Variants in CFAP20DC observed in about 807,000 individuals in gnomAD.
CFAP20DC encodes the protein protein CFAP20DC.
A neutral mutation model predicts 101.7 loss-of-function variants in CFAP20DC; 84 were observed. That is an observed-to-expected ratio of 0.83 (90% CI 0.69 to 0.99). The LOEUF (loss-of-function observed/expected upper bound fraction) is 0.99. Ranked by LOEUF, CFAP20DC falls within the 50% of genes least tolerant of loss-of-function variation. CFAP20DC has a pLI of 0.00. For missense variants in CFAP20DC, 1,007 were observed against 970.3 expected, an observed-to-expected ratio of 1.04 and a Z score of -0.50; for synonymous variants, 359 against 351.2, an observed-to-expected ratio of 1.02 and a Z score of -0.25.
At chr3:58,992,280 CA>C (rs2092965211) in intron 4 of CFAP20DC, among the ~76,000 whole-genome samples, 1 of 152,136 alleles carries the variant, frequency 6.6e-6, no homozygotes, top group Admixed American at 6.5e-5. Flanking sequence ...CCAGGTTAAG[CA>C]CAAAAATTTA....
At chr3:58,931,592 C>G (rs1023434024) in intron 5 of CFAP20DC, among the ~76,000 whole-genome samples, 4 of 152,216 alleles carry the variant, frequency 2.6e-5, no homozygotes, top group Non-Finnish European at 4.4e-5. Context: ...GAGGAACGAT[C>G]AGACAGCAGC....
At chr3:58,883,134 C>T (rs1490088585) in intron 7 of CFAP20DC, among the ~76,000 whole-genome samples, 4 of 152,170 alleles carry the variant, frequency 2.6e-5, no homozygotes, top group Non-Finnish European at 5.9e-5. Flanking sequence ...TCCTTGACCT[C>T]CTTCAAACTT....
chr3:58,958,611 C>T (rs953456088), intron 4 of CFAP20DC, among the ~76,000 whole-genome samples: 1 of 152,210 alleles, frequency 6.6e-6, no homozygotes, highest in African/African-American at 2.4e-5. Flanking sequence ...TTCACATCCT[C>T]ACCAACACCT....
intron 12 of CFAP20DC, among the ~76,000 whole-genome samples, chr3:58,852,561 C>T (rs1393089747): frequency 6.6e-6 from 1 of 151,598 alleles, no homozygotes; most frequent in Non-Finnish European, 1.5e-5. Context: ...ACACCTATTC[C>T]AAAATTGACC....
intron 14 of CFAP20DC, among the ~76,000 whole-genome samples, chr3:58,820,310 A>G (rs1463429282): frequency 1.3e-5 from 2 of 150,082 alleles, no homozygotes; most frequent in Non-Finnish European, 3.0e-5. Flanking sequence ...AGGCAGGAGA[A>G]GGAAATAAAG....
chr3:58,862,806 A>C, intron 12 of CFAP20DC: 2 of 984,856 alleles, frequency 2.0e-6, no homozygotes, highest in Non-Finnish European at 2.4e-6. Context: ...AAATTTTTCC[A>C]GAAAGTATGA....
At chr3:58,866,248 A>C (rs766629874) in intron 11 of CFAP20DC, among the ~76,000 whole-genome samples, 4 of 152,202 alleles carry the variant, frequency 2.6e-5, no homozygotes, top group Non-Finnish European at 4.4e-5. Flanking sequence ...AGCTCCAACC[A>C]TCTCCATTAT....
intron 5 of CFAP20DC, among the ~76,000 whole-genome samples, chr3:58,930,790 C>T (rs2086536254): frequency 6.6e-6 from 1 of 151,950 alleles, no homozygotes; most frequent in South Asian, 2.1e-4. Flanking sequence ...GGACTGGCAG[C>T]CAAGATGGCC....
chr3:58,941,967 GTTCA>G (rs1414587220), intron 4 of CFAP20DC, among the ~76,000 whole-genome samples: 2 of 152,164 alleles, frequency 1.3e-5, no homozygotes, highest in Non-Finnish European at 2.9e-5. Flanking sequence ...GGGAGAAAGT[GTTCA>G]TTATGACCTT....
chr3:58,785,646 A>T (rs1352223362), intron 15 of CFAP20DC, among the ~76,000 whole-genome samples: 1 of 152,152 alleles, frequency 6.6e-6, no homozygotes, highest in Non-Finnish European at 1.5e-5. Context: ...TGATAAACAC[A>T]GCATCATTGA....
intron 3 of CFAP20DC, chr3:58,726,847 C>A (rs987057393): frequency 1.2e-5 from 3 of 260,136 alleles, no homozygotes; most frequent in Non-Finnish European, 2.3e-5. Flanking sequence ...AAGGACCCAT[C>A]ACTTCCACTC....
intron 4 of CFAP20DC, among the ~76,000 whole-genome samples, chr3:59,022,708 T>C (rs1304463343): frequency 1.3e-5 from 2 of 152,072 alleles, no homozygotes; most frequent in East Asian, 3.9e-4. Flanking sequence ...TAGTTTATTA[T>C]AATATATTTT....
At chr3:58,998,505 G>A (rs1256265530) in intron 4 of CFAP20DC, among the ~76,000 whole-genome samples, 1 of 152,134 alleles carries the variant, frequency 6.6e-6, no homozygotes, top group Non-Finnish European at 1.5e-5. Context: ...CATGTGCCAG[G>A]AACCCTTTTA....
At position 58,842,659 on chromosome 3, in the gene CFAP20DC, G is replaced by A. The variant is rs551850136; in HGVS notation, c.1971+6373C>T. Among the ~76,000 whole-genome samples the A allele has an allele frequency of 2.2e-3, 331 of 152,356 alleles. 3 individuals carry two copies. The highest frequency in any genetic ancestry group is 7.6e-3 in the African/African-American group (317 of 41,584). ...AGGAAGCTCTAACTGGGTGGAGCCC[G>A]CCACAGCTCAAGGAGGCCTGCCTGC... is the stretch of plus-strand genomic sequence containing the variant. On this transcript the variant is annotated intron_variant, in intron 13 of 16. Transcript: ENST00000482387.
chr3:59,026,349 T>G (rs1438251424), intron 4 of CFAP20DC, among the ~76,000 whole-genome samples: 1 of 152,208 alleles, frequency 6.6e-6, no homozygotes, highest in African/African-American at 2.4e-5. Context: ...AGAGATGTAT[T>G]CCCTTGGTGA....
In CFAP20DC at chr3:58,874,985, T is replaced by A. The variant is rs2080618089; in HGVS notation, c.716-4676A>T. On this transcript the variant is annotated intron_variant, in intron 7 of 16. Transcript: ENST00000482387. This position sits in a 1 kb window ranked among gnomAD's most constrained non-coding sequence, Gnocchi z 5.1. ...TAAATGACTCAAAAATGTCTAACTA[T>A]GGTTTGAAGTTCATTTTAAGAGAAA... is the stretch of plus-strand genomic sequence containing the variant. 6.6e-6 allele frequency among the ~76,000 whole-genome samples: 1 copy of A among 152,204 alleles called. No individual in the cohort carries two copies. Among genetic ancestry groups the A allele is most frequent in the Non-Finnish European group, 1.5e-5 (1 of 68,036 alleles).
intron 14 of CFAP20DC, among the ~76,000 whole-genome samples, chr3:58,814,081 C>T (rs949821352): frequency 6.6e-6 from 1 of 151,886 alleles, no homozygotes; most frequent in Non-Finnish European, 1.5e-5. Context: ...TTCAGCTGTA[C>T]TCAGGTCTCC....
chr3:58,846,901 A>T (rs1365017752), intron 13 of CFAP20DC, among the ~76,000 whole-genome samples: 6 of 150,902 alleles, frequency 4.0e-5, no homozygotes, highest in African/African-American at 1.5e-4. Context: ...CCTGAGAAAA[A>T]CAAACAATGG....
At chr3:58,960,700 A>G (rs1261215889) in intron 4 of CFAP20DC, among the ~76,000 whole-genome samples, 1 of 152,136 alleles carries the variant, frequency 6.6e-6, no homozygotes, top group Non-Finnish European at 1.5e-5. Flanking sequence ...TGGATTTCCT[A>G]TGGACACATG....
Sources: gnomAD v4.1 joint callset for allele counts (sites outside exome capture counted in the v4.1 genomes callset) on GRCh38, gnomAD v4.1.1 for gene constraint, Gnocchi (gnomAD v3.1) non-coding constraint, MANE v1.5 for transcripts, NCBI Gene and HGNC (gene_info 2026-07-23, HGNC 2026-07-21) for gene names.